Variants in PPP1R14C observed in about 807,000 individuals in gnomAD.
The protein encoded by PPP1R14C is protein phosphatase 1 regulatory inhibitor subunit 14C.
A neutral mutation model predicts 20.4 loss-of-function variants in PPP1R14C; 16 were observed. The ratio of observed to expected loss-of-function variants is 0.78; its 90% CI spans 0.53 to 1.19. The LOEUF is 1.19. Ranked by LOEUF, PPP1R14C falls within the 50% of genes most tolerant of loss-of-function variation. The probability of loss-of-function intolerance (pLI) is 0.00; values close to 1 mark genes in which losing one functional copy is unlikely to be tolerated. For synonymous variants in PPP1R14C, 91 were observed against 91.0 expected (o/e 1.00, Z 0.00); for missense variants, 211 against 220.1 (o/e 0.96, Z 0.26).
chr6:150,155,344 A>T (rs1376610765), intron 1 of PPP1R14C, among the ~76,000 whole-genome samples: 1 of 152,196 alleles, frequency 6.6e-6, no homozygotes, highest in Non-Finnish European at 1.5e-5. Context: ...TCTTTGTAAT[A>T]TTTATTTATT....
rs748428967 is a variant in PPP1R14C at position 150,181,099 on chromosome 6, T to A, written c.307-33645T>A. On this transcript the variant is annotated intron_variant, in intron 1 of 3. Transcript: ENST00000361131. ...AATTTAGTGGAGCTGCCTTTGGAAGTGTGGTATTTATCCCCGCTTTAGTCT... is the reference window on the plus strand; with the variant it reads ...AATTTAGTGGAGCTGCCTTTGGAAGAGTGGTATTTATCCCCGCTTTAGTCT... 2.6e-5 allele frequency among the ~76,000 whole-genome samples: 4 copies of A among 152,142 alleles called. No individual in the cohort carries two copies. In the East Asian group the frequency reaches 5.8e-4, roughly 22 times the overall value.
intron 1 of PPP1R14C, among the ~76,000 whole-genome samples, chr6:150,175,254 G>A (rs1562261705): frequency 6.6e-6 from 1 of 152,178 alleles, no homozygotes; most frequent in Non-Finnish European, 1.5e-5. Flanking sequence ...GCAGGAAGAA[G>A]TCCAGTAACT....
At chr6:150,219,117 C>G (rs1424210010) in intron 3 of PPP1R14C, among the ~76,000 whole-genome samples, 2 of 151,998 alleles carry the variant, frequency 1.3e-5, no homozygotes, top group Non-Finnish European at 2.9e-5. Context: ...GTTTATAATA[C>G]TATGATTTAA....
At chr6:150,144,219 GGCGGGAGCCCTGCGGGGGGCCT>G (rs886555840) in intron 1 of PPP1R14C, among the ~76,000 whole-genome samples, 9 of 152,204 alleles carry the variant, frequency 5.9e-5, no homozygotes, top group Non-Finnish European at 8.8e-5. Context: ...TCGGTGGAAG[GGCGGGAGCCCTGCGGGGGGCCT>G]GCGGGATCCC....
At chr6:150,144,283 C>T (rs957348278) in intron 1 of PPP1R14C, among the ~76,000 whole-genome samples, 17 of 152,224 alleles carry the variant, frequency 1.1e-4, no homozygotes, top group Non-Finnish European at 2.1e-4. Context: ...CCCAGCTCCC[C>T]TCTCCTCCAC....
chr6:150,149,110 G>C (rs1474185008), intron 1 of PPP1R14C, among the ~76,000 whole-genome samples: 1 of 152,100 alleles, frequency 6.6e-6, no homozygotes, highest in Non-Finnish European at 1.5e-5. Context: ...ATTGCCAAAG[G>C]AAGGAAAGAA....
At chr6:150,209,500 ATGTTTGTGTATG>A (rs1777994055) in intron 1 of PPP1R14C, among the ~76,000 whole-genome samples, 1 of 149,708 alleles carries the variant, frequency 6.7e-6, no homozygotes, top group African/African-American at 2.5e-5. Context: ...ATGTGTGTGT[ATGTTTGTGTATG>A]TGTTTGTGTG....
At chr6:150,199,305 G>A (rs1207849257) in intron 1 of PPP1R14C, among the ~76,000 whole-genome samples, 1 of 152,172 alleles carries the variant, frequency 6.6e-6, no homozygotes, top group Non-Finnish European at 1.5e-5. Context: ...CAAAATTCAG[G>A]TGTTGAAATT....
chr6:150,242,275 A>T (rs190141765), intron 3 of PPP1R14C, among the ~76,000 whole-genome samples: 1 of 152,254 alleles, frequency 6.6e-6, no homozygotes, highest in Admixed American at 6.5e-5. Flanking sequence ...AACTCATGCT[A>T]TGAAGCTGGC....
At chr6:150,216,283 G>T (rs577708436) in intron 2 of PPP1R14C, among the ~76,000 whole-genome samples, 3 of 152,312 alleles carry the variant, frequency 2.0e-5, no homozygotes, top group Admixed American at 6.5e-5. Flanking sequence ...ATCACCTGAG[G>T]TCGGGAGTTC....
At chr6:150,220,512 T>A (rs1778153713) in intron 3 of PPP1R14C, among the ~76,000 whole-genome samples, 1 of 152,184 alleles carries the variant, frequency 6.6e-6, no homozygotes, top group Admixed American at 6.5e-5. Flanking sequence ...TCAAGAAAAA[T>A]GATGAATGAT....
At chr6:150,247,813 C>T (rs1296864444) in intron 3 of PPP1R14C, among the ~76,000 whole-genome samples, 1 of 152,116 alleles carries the variant, frequency 6.6e-6, no homozygotes, top group Non-Finnish European at 1.5e-5. Flanking sequence ...CTTATTGGGC[C>T]CCACCCAGAT....
At chr6:150,154,962 A>G (rs1457772557) in intron 1 of PPP1R14C, among the ~76,000 whole-genome samples, 1 of 152,164 alleles carries the variant, frequency 6.6e-6, no homozygotes, top group Non-Finnish European at 1.5e-5. Context: ...ATTTTTAGGC[A>G]TATAACCTAT....
chr6:150,165,482 T>C (rs542353815), intron 1 of PPP1R14C, among the ~76,000 whole-genome samples: 32 of 152,372 alleles, frequency 2.1e-4, no homozygotes, highest in African/African-American at 7.2e-4. Flanking sequence ...GGTTGTCCAG[T>C]TGGCAGTAAT....
intron 1 of PPP1R14C, among the ~76,000 whole-genome samples, chr6:150,213,744 A>C (rs572398661): frequency 2.1e-4 from 32 of 152,332 alleles, no homozygotes; most frequent in Admixed American, 7.8e-4. Flanking sequence ...TCTCCTTTGA[A>C]GTTCAGATTC....
At chr6:150,193,290 A>T (rs1255760777) in intron 1 of PPP1R14C, among the ~76,000 whole-genome samples, 2 of 152,054 alleles carry the variant, frequency 1.3e-5, no homozygotes, top group African/African-American at 4.8e-5. Flanking sequence ...AGAGACAAGG[A>T]TGTCTCACAT....
At chr6:150,159,447 C>T (rs912665096) in intron 1 of PPP1R14C, among the ~76,000 whole-genome samples, 1 of 152,086 alleles carries the variant, frequency 6.6e-6, no homozygotes, top group Non-Finnish European at 1.5e-5. Flanking sequence ...TCCAAGTGCC[C>T]ATTCCAGTTT....
chr6:150,234,063 G>A (rs1778324533), intron 3 of PPP1R14C, among the ~76,000 whole-genome samples: 1 of 152,168 alleles, frequency 6.6e-6, no homozygotes, highest in Non-Finnish European at 1.5e-5. Flanking sequence ...GTGGCTCTGT[G>A]GGGGAGTCTA....
intron 1 of PPP1R14C, among the ~76,000 whole-genome samples, chr6:150,206,846 G>GT (rs145300350): frequency 0.12 from 18,701 of 149,678 alleles, 1,265 homozygotes; most frequent in African/African-American, 0.14. Flanking sequence ...CTATTTTGAT[G>GT]TTTTTTTTTG....
Sources: allele counts gnomAD v4.1 joint callset (sites outside exome capture counted in the v4.1 genomes callset), GRCh38; gene constraint gnomAD v4.1.1; transcripts MANE v1.5; gene names NCBI Gene and HGNC (gene_info 2026-07-23, HGNC 2026-07-21).